MYRIP: variants seen among roughly 807,000 people sequenced by gnomAD.
MYRIP encodes rab effector MyRIP.
MYRIP carries 49 observed loss-of-function variants against 98.0 expected under a neutral mutation model. That is an observed-to-expected ratio of 0.50 (90% CI 0.40 to 0.63). The LOEUF is 0.63. Among genes scored for constraint, MYRIP ranks in the 30% least tolerant of loss-of-function variants. MYRIP has a pLI of 0.00. For synonymous variants in MYRIP, 404 were observed against 409.5 expected (o/e 0.99, Z 0.16); for missense variants, 1,004 against 1,058.2 (o/e 0.95, Z 0.71).
chr3:40,077,262 A>G (rs540023062), intron 3 of MYRIP, among the ~76,000 whole-genome samples: 5 of 152,250 alleles, frequency 3.3e-5, no homozygotes, highest in Admixed American at 1.3e-4. Context: ...AAGCTTCCAC[A>G]GTGTGGAAGG....
rs1405165201 is a variant in MYRIP at position 39,980,669 on chromosome 3, A to G, written c.111-63381A>G. Among the ~76,000 whole-genome samples the G allele has an allele frequency of 3.9e-5, 6 of 152,148 alleles. No homozygotes were observed. The South Asian group carries it at 1.2e-3, about 32-fold the overall frequency. On this transcript the variant is annotated intron_variant, in intron 2 of 16. Transcript: ENST00000302541. ...ATGCTCATTGCTCTATATGATATTC[A>G]CTGTTGCTTTAGTTACCTTGTCCTG...
At chr3:39,935,881 G>A (rs181682245) in intron 2 of MYRIP, among the ~76,000 whole-genome samples, 58 of 152,264 alleles carry the variant, frequency 3.8e-4, no homozygotes, top group African/African-American at 1.4e-3. Context: ...CTGCTAACAT[G>A]AGTCATTTGT....
chr3:40,039,422 C>T lies in MYRIP; in HGVS notation c.111-4628C>T, dbSNP rs546648288. Among the ~76,000 whole-genome samples, 6 of 151,950 alleles carry T rather than the reference C, an allele frequency of 3.9e-5. No homozygotes were observed. The South Asian group carries it at 6.2e-4, about 16-fold the overall frequency. On this transcript the variant is annotated intron_variant, in intron 2 of 16. Transcript: ENST00000302541. ...AAGGGCTGAGAAAACAAGAGTAACA[C>T]GAGGAAGGGAAGAGAATATTTCAAG...
chr3:40,239,483 A>G lies in MYRIP; in HGVS notation c.2101-4963A>G, dbSNP rs1364853459. Among the ~76,000 whole-genome samples, 1,059 of 140,158 alleles carry G rather than the reference A, an allele frequency of 7.6e-3. 27 individuals carry two copies. Among genetic ancestry groups the G allele is most frequent in the African/African-American group, 0.03 (951 of 31,874 alleles). The allele number at this position is 140,158 out of a possible 152,430, so 91.9% of individuals were successfully genotyped here. On this transcript the variant is annotated intron_variant, in intron 12 of 16. Coordinates refer to ENST00000302541, the MANE Select transcript of MYRIP (RefSeq NM_015460.4). ...TTCTAGATCCTTGAGGAATCGCCACACTGACTTCCACAATGGTTGAACTAG... is the reference window on the plus strand; with the variant it reads ...TTCTAGATCCTTGAGGAATCGCCACGCTGACTTCCACAATGGTTGAACTAG...
At chr3:39,958,615 A>G (rs946846102) in intron 2 of MYRIP, among the ~76,000 whole-genome samples, 1 of 152,216 alleles carries the variant, frequency 6.6e-6, no homozygotes, top group Non-Finnish European at 1.5e-5. Context: ...GGACATAGGC[A>G]TGGGCAAGGA....
intron 4 of MYRIP, among the ~76,000 whole-genome samples, chr3:40,160,368 C>T (rs9852872): frequency 7.2e-5 from 11 of 152,146 alleles, no homozygotes; most frequent in Admixed American, 3.9e-4. Context: ...TCTCCAGCTG[C>T]GTGCTGGGAG....
intron 4 of MYRIP, among the ~76,000 whole-genome samples, chr3:40,160,348 T>C (rs1238263511): frequency 9.9e-5 from 15 of 152,174 alleles, no homozygotes; most frequent in South Asian, 6.2e-4. Context: ...GCAGTCTGCC[T>C]GTTCTCAGAT....
intron 10 of MYRIP, among the ~76,000 whole-genome samples, chr3:40,195,041 T>G (rs9790265): frequency 0.88 from 133,738 of 152,130 alleles, 58,939 homozygotes; most frequent in Middle Eastern, 0.95. Context: ...TCTCTTTCTT[T>G]TTTTATTGCA....
intron 2 of MYRIP, among the ~76,000 whole-genome samples, chr3:39,992,524 G>C (rs895834536): frequency 6.6e-6 from 1 of 152,142 alleles, no homozygotes; most frequent in Non-Finnish European, 1.5e-5. Context: ...CAGAACTCCA[G>C]GTCCTTTAAA....
intron 3 of MYRIP, among the ~76,000 whole-genome samples, chr3:40,082,073 A>G (rs1021402663): frequency 6.6e-6 from 1 of 152,212 alleles, no homozygotes; most frequent in Non-Finnish European, 1.5e-5. Flanking sequence ...CTAAATGGCC[A>G]TTATCAAAAA....
At chr3:39,984,193 G>GTTTTATTTTAT (rs144135376) in intron 2 of MYRIP, among the ~76,000 whole-genome samples, 1 of 145,566 alleles carries the variant, frequency 6.9e-6, no homozygotes, top group Non-Finnish European at 1.5e-5. Context: ...TGTAAGGAAA[G>GTTTTATTTTAT]TTTATTTTAT....
At chr3:39,961,665 C>A (rs1287605466) in intron 2 of MYRIP, among the ~76,000 whole-genome samples, 1 of 152,100 alleles carries the variant, frequency 6.6e-6, no homozygotes, top group Non-Finnish European at 1.5e-5. Context: ...TTTGAAATAA[C>A]CCGTTACTAG....
chr3:39,984,166 G>A (rs1048136768), intron 2 of MYRIP, among the ~76,000 whole-genome samples: 3 of 151,712 alleles, frequency 2.0e-5, no homozygotes, highest in African/African-American at 7.3e-5. Context: ...AGACTTTTCA[G>A]TCCAGGACAG....
At chr3:40,233,727 C>A in intron 11 of MYRIP, 132 bp from the exon 12 acceptor site, 1 of 824,608 alleles carries the variant, frequency 1.2e-6, no homozygotes, top group Non-Finnish European at 1.9e-6. Context: ...CATTCTTCAG[C>A]ACATTGGTGT....
At chr3:40,090,890 C>A (rs1184025647) in intron 3 of MYRIP, among the ~76,000 whole-genome samples, 1 of 152,180 alleles carries the variant, frequency 6.6e-6, no homozygotes, top group Non-Finnish European at 1.5e-5. Flanking sequence ...TCTCCTCCAA[C>A]ATGCAGGTGG....
intron 15 of MYRIP, 63 bp downstream of exon 15, chr3:40,250,562 A>T: frequency 6.4e-7 from 1 of 1,557,096 alleles, no homozygotes; most frequent in South Asian, 1.1e-5. Flanking sequence ...ACTTTGGGTA[A>T]CAAAGAGACC....
chr3:39,853,857 A>G (rs74859307), intron 1 of MYRIP, among the ~76,000 whole-genome samples: 3,278 of 151,976 alleles, frequency 0.022, 104 homozygotes, highest in African/African-American at 0.073. Context: ...AGTTTTTCCA[A>G]TGTTATCTTC....
At chr3:39,963,590 T>TA (rs1453888854) in intron 2 of MYRIP, among the ~76,000 whole-genome samples, 9 of 152,170 alleles carry the variant, frequency 5.9e-5, no homozygotes, top group Middle Eastern at 3.2e-3. Context: ...TCTTAAGCAC[T>TA]ATCTTGTGTG....
intron 1 of MYRIP, among the ~76,000 whole-genome samples, chr3:39,857,532 A>G (rs575020545): frequency 7.2e-4 from 110 of 152,328 alleles, no homozygotes; most frequent in African/African-American, 2.6e-3. Flanking sequence ...AGACAGGTCA[A>G]TTGAATTATC....
Sources: gnomAD v4.1 joint callset for allele counts (sites outside exome capture counted in the v4.1 genomes callset) on GRCh38, gnomAD v4.1.1 for gene constraint, MANE v1.5 for transcripts, NCBI Gene and HGNC (gene_info 2026-07-23, HGNC 2026-07-21) for gene names.